Variants in GPBP1 observed in about 807,000 individuals in gnomAD.
GPBP1 encodes GC-rich promoter binding protein 1.
A neutral mutation model predicts 56.5 loss-of-function variants in GPBP1; 13 were observed. The observed-to-expected ratio is 0.23, with a 90% CI of 0.15 to 0.37. The LOEUF (loss-of-function observed/expected upper bound fraction) is 0.37. Ranked by LOEUF, GPBP1 falls within the 10% of genes least tolerant of loss-of-function variation. The pLI is 1.00. For missense variants in GPBP1, 477 were observed against 572.3 expected (o/e 0.83, Z 1.70); for synonymous variants, 204 against 188.9 (o/e 1.08, Z -0.66).
intron 2 of GPBP1, among the ~76,000 whole-genome samples, chr5:57,185,687 A>C (rs967364683): frequency 2.0e-5 from 3 of 151,998 alleles, no homozygotes; most frequent in South Asian, 4.2e-4. Flanking sequence ...TGTCTGTTCA[A>C]ATATTTTGCC....
At chr5:57,219,411 C>CCA (rs1755845209) in intron 3 of GPBP1, among the ~76,000 whole-genome samples, 1 of 75,882 alleles carries the variant, frequency 1.3e-5, no homozygotes, top group African/African-American at 5.3e-5. Context: ...AAACCAAAAA[C>CCA]AAACAAACAA....
chr5:57,196,153 G>A (rs1253065782), intron 2 of GPBP1, among the ~76,000 whole-genome samples: 6 of 151,702 alleles, frequency 4.0e-5, no homozygotes, highest in Non-Finnish European at 5.9e-5. Context: ...TTTTAAAGTC[G>A]AGATTTATTG....
At position 57,249,491 on chromosome 5, in the gene GPBP1, A is replaced by G; in HGVS notation, c.887A>G (p.Asp296Gly). The G allele has an allele frequency of 6.2e-7, 1 of 1,613,180 alleles. No homozygotes were observed. The highest frequency in any genetic ancestry group is 8.5e-7 in the Non-Finnish European group (1 of 1,179,588). The change falls in exon 9 of 12, where the codon GAT becomes GGT. Residue 296 changes from aspartate (D) to glycine (G), a missense_variant. Physicochemically the swap from Asp to Gly is moderately conservative, Grantham distance 94. This residue lies in a region of GPBP1 where 414 missense variants were observed against 458.2 expected (regional missense o/e 0.90). Coordinates refer to ENST00000506184, the MANE Select transcript of GPBP1 (RefSeq NM_022913.4). ...ACCAAACTGACACGAATGCGCACTG[A>G]TAAGAAGAGTGAATTTTTGAAAGCA... ...RLTKLTRMRT[D>G]KKSEFLKALK...
At chr5:57,183,315 C>T (rs898261048) in intron 2 of GPBP1, among the ~76,000 whole-genome samples, 4 of 152,026 alleles carry the variant, frequency 2.6e-5, no homozygotes, top group African/African-American at 7.2e-5. Context: ...TGCAGTGAGC[C>T]GAGATCATGC....
At chr5:57,245,262 C>T (rs1480624326) in intron 6 of GPBP1, among the ~76,000 whole-genome samples, 1 of 152,022 alleles carries the variant, frequency 6.6e-6, no homozygotes, top group Non-Finnish European at 1.5e-5. Context: ...TTATTTTAAG[C>T]CCTTGTTCTT....
At chr5:57,258,431 G>A (rs749192118) in intron 10 of GPBP1, among the ~76,000 whole-genome samples, 1 of 152,088 alleles carries the variant, frequency 6.6e-6, no homozygotes, top group African/African-American at 2.4e-5. Flanking sequence ...GCATGTTACT[G>A]TACTGAATAT....
chr5:57,244,344 C>T (rs542780012), intron 6 of GPBP1, among the ~76,000 whole-genome samples: 1 of 152,258 alleles, frequency 6.6e-6, no homozygotes, highest in East Asian at 1.9e-4. Flanking sequence ...TGTTTGGTTT[C>T]CTCCCTTACA....
intron 2 of GPBP1, among the ~76,000 whole-genome samples, chr5:57,181,322 G>A (rs902898700): frequency 2.0e-5 from 3 of 151,768 alleles, no homozygotes; most frequent in Non-Finnish European, 2.9e-5. Flanking sequence ...GTTGCAGAGT[G>A]ACACCCTGCC....
intron 2 of GPBP1, among the ~76,000 whole-genome samples, chr5:57,182,759 C>T (rs1222225825): frequency 6.6e-6 from 1 of 152,158 alleles, no homozygotes; most frequent in Admixed American, 6.5e-5. Context: ...TCACGGCTCA[C>T]TGCCATCTCG....
rs1229137537 is a variant in GPBP1 at position 57,263,443 on chromosome 5, A to C, written c.*691A>C. The C allele has an allele frequency of 6.6e-6, 1 of 152,198 alleles. No individual in the cohort carries two copies. Among genetic ancestry groups the C allele is most frequent in the Non-Finnish European group, 1.5e-5 (1 of 68,026 alleles). 9.4% of individuals were successfully genotyped at this position (152,198 alleles called of 1,614,324 possible). ...TGATTTTCAAAAGCTTTATTGGGGTATGTTGTCAGACCAGGGTTTTCAGAG... is the reference window on the plus strand; with the variant it reads ...TGATTTTCAAAAGCTTTATTGGGGTCTGTTGTCAGACCAGGGTTTTCAGAG... On this transcript the variant is annotated 3_prime_UTR_variant, in exon 12 of 12. Transcript: ENST00000506184.
intron 2 of GPBP1, among the ~76,000 whole-genome samples, chr5:57,183,894 G>C (rs1754174494): frequency 6.6e-6 from 1 of 151,142 alleles, no homozygotes; most frequent in Non-Finnish European, 1.5e-5. Context: ...TTTCACATCA[G>C]CCTTCTAAGT....
rs777989891 is a variant in GPBP1, at chr5:57,262,685, A to G, written c.1355A>G (p.Lys452Arg). 1.9e-6 allele frequency: 3 copies of G among 1,613,910 alleles called. No individual in the cohort carries two copies. The highest frequency in any genetic ancestry group is 2.5e-6 in the Non-Finnish European group (3 of 1,179,828). ...KFGPWKNSTF[K>R]PTTENDDTET... ...GGACCGTGGAAGAACAGCACTTTCA[A>G]ACCCACAACTGAGAATGATGACACA... Residue 452 changes from lysine to arginine, a missense_variant, in exon 12 of 12, where the codon AAA (lysine) becomes AGA (arginine). Around this residue, in one of 2 missense-constraint regions of GPBP1, gnomAD observed 63 missense variants for 114.0 expected, o/e 0.55. Transcript: ENST00000506184.
chr5:57,177,060 C>T (rs576802158), intron 2 of GPBP1, among the ~76,000 whole-genome samples: 14 of 152,222 alleles, frequency 9.2e-5, no homozygotes, highest in African/African-American at 2.6e-4. Flanking sequence ...ACCAGAAGCT[C>T]AGAGGAACTG....
rs189491711 is a variant in GPBP1, at chr5:57,247,178, C to T, written c.767C>T (p.Ala256Val). Residue 256 changes from alanine to valine, a missense_variant, in exon 8 of 12, where the codon GCC becomes GTC. Coordinates refer to ENST00000506184, the MANE Select transcript of GPBP1 (RefSeq NM_022913.4). ...AACTTTAATGCTTTTAAATCAACTGCCAAGAACTTTAGTCCATCTACAAAT... is the reference window on the plus strand; with the variant it reads ...AACTTTAATGCTTTTAAATCAACTGTCAAGAACTTTAGTCCATCTACAAAT... ...VGNFNAFKST[A>V]KNFSPSTNSV... The T allele has an allele frequency of 2.5e-6, 4 of 1,613,426 alleles. No homozygotes were observed. In the African/African-American group the frequency reaches 4.0e-5, roughly 16 times the overall value.
chr5:57,227,979 C>T (rs773263457), intron 3 of GPBP1, among the ~76,000 whole-genome samples: 32 of 151,992 alleles, frequency 2.1e-4, no homozygotes, highest in Non-Finnish European at 3.2e-4. Context: ...AGACATGCTA[C>T]AAAGTATGAA....
chr5:57,191,855 G>T (rs1052673013), intron 2 of GPBP1, among the ~76,000 whole-genome samples: 1 of 151,984 alleles, frequency 6.6e-6, no homozygotes, highest in Non-Finnish European at 1.5e-5. Flanking sequence ...CCACCACGCC[G>T]GCCTGTCTAG....
rs1753781823 is a variant in GPBP1, at chr5:57,176,173, G to T, written c.-285G>T. On this transcript the variant is annotated 5_prime_UTR_variant, in exon 2 of 12. Transcript: ENST00000506184. ...TACATGGAATAATAAAGAAGACTTT[G>T]ATCTTAAATCTAAAGAACTTGGCTA... The T allele has an allele frequency of 2.5e-6, 1 of 394,768 alleles. No individual in the cohort carries two copies. Among genetic ancestry groups the T allele is most frequent in the East Asian group, 3.6e-5 (1 of 27,818 alleles). The allele number at this position is 394,768 out of a possible 1,614,324, so 24.5% of individuals were successfully genotyped here. A position where few individuals can be genotyped will look rare whatever the true frequency, so the allele number is the denominator to read the frequency against.
At chr5:57,247,817 C>A (rs1000410351) in intron 8 of GPBP1, among the ~76,000 whole-genome samples, 1 of 152,070 alleles carries the variant, frequency 6.6e-6, no homozygotes, top group African/African-American at 2.4e-5. Flanking sequence ...GTTTGTGGCT[C>A]ACTGGTGCCT....
chr5:57,191,721 C>A (rs1754534909), intron 2 of GPBP1, among the ~76,000 whole-genome samples: 1 of 151,960 alleles, frequency 6.6e-6, no homozygotes, highest in Non-Finnish European at 1.5e-5. Flanking sequence ...ATCACCACAC[C>A]CAGCTAATTT....
Sources: gnomAD v4.1 joint callset for allele counts (sites outside exome capture counted in the v4.1 genomes callset) on GRCh38, gnomAD v4.1.1 for gene constraint, gnomAD v4.1.1 regional missense constraint, MANE v1.5 for transcripts, NCBI Gene and HGNC (gene_info 2026-07-23, HGNC 2026-07-21) for gene names.